NLGN1: variants seen among roughly 807,000 people sequenced by gnomAD.
NLGN1 encodes the protein neuroligin 1, also known as neuroligin-1.
In NLGN1, 12 loss-of-function variants were observed where a neutral mutation model predicts 65.5. The observed-to-expected ratio is 0.18, with a 90% CI of 0.12 to 0.30. The LOEUF is 0.30. NLGN1 is among the 10% of genes least tolerant of loss of function. The probability of loss-of-function intolerance (pLI) is 1.00; values close to 1 mark genes in which losing one functional copy is unlikely to be tolerated. For missense variants in NLGN1, 750 were observed against 1,007.1 expected (o/e 0.74, Z 3.46); for synonymous variants, 350 against 359.5 (o/e 0.97, Z 0.30).
At chr3:174,215,220 A>C (rs1184445333) in intron 4 of NLGN1, among the ~76,000 whole-genome samples, 1 of 152,154 alleles carries the variant, frequency 6.6e-6, no homozygotes. Flanking sequence ...CAATAATCTT[A>C]TACTGCAATT....
At chr3:173,862,911 C>G (rs913293667) in intron 4 of NLGN1, among the ~76,000 whole-genome samples, 3 of 152,088 alleles carry the variant, frequency 2.0e-5, no homozygotes, top group Non-Finnish European at 4.4e-5. Context: ...GCCTCCAGGC[C>G]AGGTTAACCC....
chr3:174,139,098 GTGA>G (rs1561135889), intron 4 of NLGN1, among the ~76,000 whole-genome samples: 4 of 151,856 alleles, frequency 2.6e-5, no homozygotes, highest in Non-Finnish European at 4.4e-5. Context: ...TCTTGCACAA[GTGA>G]TGATAATTGA....
At chr3:173,398,989 C>A (rs1269289622) in intron 1 of NLGN1, among the ~76,000 whole-genome samples, 1 of 152,134 alleles carries the variant, frequency 6.6e-6, no homozygotes, top group Non-Finnish European at 1.5e-5. Context: ...TAAAATGTCT[C>A]AGCATTTCTA....
intron 3 of NLGN1, among the ~76,000 whole-genome samples, chr3:173,633,086 T>G (rs1262391001): frequency 6.6e-6 from 1 of 152,106 alleles, no homozygotes; most frequent in Non-Finnish European, 1.5e-5. Flanking sequence ...GATCATAGAA[T>G]GTTTTGTAGG....
chr3:173,837,818 G>A (rs1723944651), intron 4 of NLGN1, among the ~76,000 whole-genome samples: 1 of 152,208 alleles, frequency 6.6e-6, no homozygotes, highest in African/African-American at 2.4e-5. Flanking sequence ...TGTGGCCATG[G>A]GGAATGTCAG....
chr3:173,597,331 A>G (rs950970985), intron 2 of NLGN1, among the ~76,000 whole-genome samples: 1 of 152,168 alleles, frequency 6.6e-6, no homozygotes, highest in African/African-American at 2.4e-5. Flanking sequence ...CTCAAATAAG[A>G]GGGCTTGTCT....
At chr3:174,274,898 T>TAACA (rs1048442760) in intron 4 of NLGN1, among the ~76,000 whole-genome samples, 3 of 151,840 alleles carry the variant, frequency 2.0e-5, no homozygotes, top group African/African-American at 7.2e-5. Flanking sequence ...CATACATACC[T>TAACA]AACATTCCAA....
At chr3:173,750,329 G>C (rs1776149040) in intron 3 of NLGN1, among the ~76,000 whole-genome samples, 1 of 151,976 alleles carries the variant, frequency 6.6e-6, no homozygotes, top group African/African-American at 2.4e-5. Flanking sequence ...CTTTCCTCAT[G>C]GCTTACACCA....
chr3:173,660,772 A>G (rs1760813318), intron 3 of NLGN1, among the ~76,000 whole-genome samples: 1 of 151,958 alleles, frequency 6.6e-6, no homozygotes, highest in Admixed American at 6.6e-5. Context: ...CATGTTCTCC[A>G]CTGTCAAGTC....
chr3:174,045,350 GAGA>G (rs2152495079), intron 4 of NLGN1, among the ~76,000 whole-genome samples: 1 of 152,188 alleles, frequency 6.6e-6, no homozygotes, highest in South Asian at 2.1e-4. Context: ...CAGCAGGAAG[GAGA>G]AGAATGAGCG....
chr3:173,524,616 G>T (rs1423019937), intron 2 of NLGN1, among the ~76,000 whole-genome samples: 1 of 152,176 alleles, frequency 6.6e-6, no homozygotes, highest in African/African-American at 2.4e-5. Context: ...TAGTAGTGGT[G>T]AGAGTGAATA....
intron 4 of NLGN1, among the ~76,000 whole-genome samples, chr3:174,211,623 G>A (rs367613742): frequency 6.6e-6 from 1 of 150,404 alleles, no homozygotes; most frequent in African/African-American, 2.4e-5. Context: ...AGTGTCGATT[G>A]GTGCACTCAC....
upstream of NLGN1, chr3:173,396,229 T>G (rs949391155): frequency 2.0e-5 from 3 of 152,636 alleles, no homozygotes; most frequent in African/African-American, 7.2e-5. Context: ...CAGTTTCAAG[T>G]GTGTGTTTTG....
chr3:173,412,834 G>T (rs1279625342), intron 1 of NLGN1, among the ~76,000 whole-genome samples: 2 of 152,150 alleles, frequency 1.3e-5, no homozygotes, highest in Admixed American at 6.6e-5. Context: ...GAAATTAGAT[G>T]ATCTCCTTTG....
At chr3:173,491,102 A>T (rs1451142867) in intron 2 of NLGN1, among the ~76,000 whole-genome samples, 2 of 151,770 alleles carry the variant, frequency 1.3e-5, no homozygotes, top group Non-Finnish European at 2.9e-5. Flanking sequence ...CTCCTGCCTG[A>T]TTGCCGTGGC....
At chr3:174,281,062 G>A (rs748366362) in exon 7 of NLGN1, 1 of 1,613,364 alleles carries the variant, frequency 6.2e-7, no homozygotes, top group East Asian at 2.2e-5. Flanking sequence ...GATCATGAAT[G>A]TGAGTCCATT....
At chr3:173,701,069 A>G (rs569900431) in intron 3 of NLGN1, among the ~76,000 whole-genome samples, 35 of 152,214 alleles carry the variant, frequency 2.3e-4, no homozygotes, top group Middle Eastern at 3.4e-3. Context: ...AGCTTGCAGT[A>G]AGCTGAGATC....
At chr3:173,444,010 A>AT (rs1397875955) in intron 2 of NLGN1, among the ~76,000 whole-genome samples, 8 of 152,152 alleles carry the variant, frequency 5.3e-5, no homozygotes, top group Admixed American at 6.5e-5. Context: ...GCTCCAGTCT[A>AT]TTTTTTGTGA....
chr3:173,901,638 G>T (rs1383901549), intron 4 of NLGN1, among the ~76,000 whole-genome samples: 1 of 151,958 alleles, frequency 6.6e-6, no homozygotes, highest in African/African-American at 2.4e-5. Context: ...GTATAAAATA[G>T]TAATATCTCT....
Sources: allele counts gnomAD v4.1 joint callset (sites outside exome capture counted in the v4.1 genomes callset), GRCh38; gene constraint gnomAD v4.1.1; transcripts MANE v1.5; gene names NCBI Gene and HGNC (gene_info 2026-07-23, HGNC 2026-07-21).